The following MARS1 variants were observed in gnomAD, a reference collection of about 807,000 sequenced individuals.
MARS1 encodes methionine--tRNA ligase, cytoplasmic.
MARS1 carries 80 observed loss-of-function variants against 119.5 expected under a neutral mutation model. That is an observed-to-expected ratio of 0.67 (90% CI 0.56 to 0.81). The LOEUF is 0.81. Ranked by LOEUF, MARS1 falls within the 30% of genes least tolerant of loss-of-function variation. The probability of loss-of-function intolerance (pLI) is 0.00; values close to 1 mark genes in which losing one functional copy is unlikely to be tolerated. For synonymous variants in MARS1, 418 were observed against 433.4 expected, an observed-to-expected ratio of 0.96 and a Z score of 0.44; for missense variants, 945 against 1,116.5, an observed-to-expected ratio of 0.85 and a Z score of 2.19.
Position 57,488,105 on chromosome 12 carries a change from G to A in MARS1, c.15G>A (p.Val5=), listed in dbSNP as rs763029980. The A allele has an allele frequency of 5.6e-6, 9 of 1,614,182 alleles. No homozygotes were observed. The East Asian group carries it at 1.8e-4, about 32-fold the overall frequency. MRLF[V]SDGVPGCLPV... Reference sequence around the variant, plus strand: ...TTCACGGCGAAATGAGACTGTTCGTGAGTGATGGCGTCCCGGGTTGCTTGC... The same window carrying A: ...TTCACGGCGAAATGAGACTGTTCGTAAGTGATGGCGTCCCGGGTTGCTTGC... The change falls in exon 1 of 21, where the codon GTG becomes GTA. Residue 5 remains valine (V), a synonymous_variant. Transcript: ENST00000262027.
rs1876765150 is a variant in MARS1 at position 57,498,706 on chromosome 12, C to T, written c.1091+83C>T. The T allele has an allele frequency of 2.2e-6, 3 of 1,357,570 alleles. No homozygotes were observed. The African/African-American group carries it at 4.3e-5, about 19-fold the overall frequency. The allele number at this position is 1,357,570 out of a possible 1,614,324, so 84.1% of individuals were successfully genotyped here. ...GGAGTATCTTGGAGACAGAAGGAACCCGGGTGGCTGTCTGGGCACTCCTAA... is the reference window on the plus strand; with the variant it reads ...GGAGTATCTTGGAGACAGAAGGAACTCGGGTGGCTGTCTGGGCACTCCTAA... On this transcript the variant is annotated intron_variant, in intron 9 of 20. Coordinates refer to ENST00000262027, the MANE Select transcript of MARS1 (RefSeq NM_004990.4).
intron 7 of MARS1, among the ~76,000 whole-genome samples, chr12:57,493,668 T>TAA (rs1876284042): frequency 6.1e-5 from 1 of 16,526 alleles, no homozygotes; most frequent in Non-Finnish European, 8.5e-5. Flanking sequence ...ATATTATATA[T>TAA]TATATATATT....
chr12:57,500,472 G>T lies in MARS1; in HGVS notation c.1243G>T (p.Gly415Cys). The T allele has an allele frequency of 6.2e-7, 1 of 1,614,184 alleles. No individual in the cohort carries two copies. The highest frequency in any genetic ancestry group is 1.7e-5 in the Admixed American group (1 of 60,024). Residue 415 changes from glycine to cysteine, a missense_variant, in exon 10 of 21, where the codon GGT (glycine) becomes TGT (cysteine). Gly to Cys is a radical substitution (Grantham distance 159). Coordinates refer to ENST00000262027, the MANE Select transcript of MARS1 (RefSeq NM_004990.4). ...CPFCGYEEAR[G>C]DQCDKCGKLI... Reference sequence around the variant, plus strand: ...CTTCTGTGGCTATGAGGAGGCTCGGGGTGACCAGTGTGACAAGTGTGGCAA... The same window carrying T: ...CTTCTGTGGCTATGAGGAGGCTCGGTGTGACCAGTGTGACAAGTGTGGCAA...
At chr12:57,498,332 G>A in intron 8 of MARS1, 59 bp downstream of exon 8, 1 of 1,598,222 alleles carries the variant, frequency 6.3e-7, no homozygotes, top group Non-Finnish European at 8.6e-7. Context: ...CAGGGGAATA[G>A]GATGCTTCAA....
intron 7 of MARS1, among the ~76,000 whole-genome samples, chr12:57,491,138 G>T (rs370383827): frequency 3.8e-4 from 58 of 151,860 alleles, no homozygotes; most frequent in African/African-American, 1.4e-3. Context: ...CTCCCAAAGT[G>T]CTGGGATTAC....
chr12:57,492,355 G>A (rs1391827976), intron 7 of MARS1, among the ~76,000 whole-genome samples: 2 of 150,376 alleles, frequency 1.3e-5, no homozygotes, highest in East Asian at 4.0e-4. Flanking sequence ...CTAATTTAGA[G>A]GCCTCTCTAA....
chr12:57,512,640 C>T lies in MARS1; in HGVS notation c.1754-111C>T, dbSNP rs1160486160. On this transcript the variant is annotated intron_variant, in intron 14 of 20. Transcript: ENST00000262027. ...ACCAGCCCCTTAAGGAGAAATGTTG[C>T]TAGACACCCATAGTTGAGGTTAGAA... 3.4e-6 allele frequency: 3 copies of T among 889,908 alleles called. No homozygotes were observed. In the South Asian group the frequency reaches 4.7e-5, roughly 14 times the overall value. The allele number at this position is 889,908 out of a possible 1,614,324, so 55.1% of individuals were successfully genotyped here. A position where few individuals can be genotyped will look rare whatever the true frequency, so the allele number is the denominator to read the frequency against.
Position 57,512,280 on chromosome 12 carries a change from TA to T in MARS1, c.1681del (p.Ser561AlafsTer2). The T allele has an allele frequency of 6.2e-7, 1 of 1,614,168 alleles. No homozygotes were observed. Among genetic ancestry groups the T allele is most frequent in the South Asian group, 1.1e-5 (1 of 91,086 alleles). ...TGGCCAAAGACAATGTTCCTTTCCATAGCTTAGTCTTTCCTTGCTCAGCCCT... is the reference window on the plus strand; with the variant it reads ...TGGCCAAAGACAATGTTCCTTTCCATGCTTAGTCTTTCCTTGCTCAGCCCT... The part of the protein sequence containing the change: ...FMAKDNVPFH[S>X]LVFPCSALGA... On this transcript the variant is annotated frameshift_variant, in exon 14 of 21. Transcript: ENST00000262027. LOFTEE classifies it high-confidence loss of function.
At chr12:57,515,709 A>G (rs1877771017) in intron 18 of MARS1, among the ~76,000 whole-genome samples, 1 of 152,242 alleles carries the variant, frequency 6.6e-6, no homozygotes, top group African/African-American at 2.4e-5. Context: ...TAGCATCCTT[A>G]GAGAGCTTAA....
chr12:57,490,551 C>G lies in MARS1; in HGVS notation c.677C>G (p.Ala226Gly). The G allele has an allele frequency of 6.2e-7, 1 of 1,614,124 alleles. No individual in the cohort carries two copies. The highest frequency in any genetic ancestry group is 8.5e-7 in the Non-Finnish European group (1 of 1,180,002). Residue 226 changes from alanine to glycine, a missense_variant, in exon 7 of 21, where the codon GCT (alanine) becomes GGT (glycine). Ala to Gly is a moderately conservative substitution (Grantham distance 60). Transcript: ENST00000262027. ...VTNEPEEEEL[A>G]TLSEEEIAMA... ...CACTCTTTATAGGAGGAGGAGCTGG[C>G]TACCCTATCTGAGGAGGAGATTGCT... is the stretch of plus-strand genomic sequence containing the variant.
At chr12:57,493,903 A>G (rs1438328386) in intron 7 of MARS1, among the ~76,000 whole-genome samples, 3 of 59,890 alleles carry the variant, frequency 5.0e-5, no homozygotes, top group African/African-American at 2.3e-4. Context: ...TTTATGTTAT[A>G]TAATATATAT....
chr12:57,507,945 G>T (rs1487487966), intron 11 of MARS1, among the ~76,000 whole-genome samples: 1 of 151,816 alleles, frequency 6.6e-6, no homozygotes, highest in African/African-American at 2.4e-5. Context: ...CTTCTCAGAT[G>T]GGGCGGCTGC....
chr12:57,503,402 T>A (rs1877024565), intron 10 of MARS1, among the ~76,000 whole-genome samples: 1 of 152,040 alleles, frequency 6.6e-6, no homozygotes, highest in South Asian at 2.1e-4. Context: ...CCCGGCTAAT[T>A]TTGTATTTTT....
chr12:57,501,220 G>A (rs1454620059), intron 10 of MARS1, among the ~76,000 whole-genome samples: 1 of 152,274 alleles, frequency 6.6e-6, no homozygotes, highest in Non-Finnish European at 1.5e-5. Flanking sequence ...GGCAAGGCCA[G>A]TATAGCACTA....
chr12:57,496,727 G>T (rs748678994), intron 7 of MARS1, among the ~76,000 whole-genome samples: 1 of 151,460 alleles, frequency 6.6e-6, no homozygotes, highest in Non-Finnish European at 1.5e-5. Flanking sequence ...ACAGTGTGCT[G>T]TGTTGTGCCA....
intron 2 of MARS1, 29 bp downstream of exon 2, chr12:57,489,138 T>C (rs1466154319): frequency 1.2e-6 from 2 of 1,608,498 alleles, no homozygotes; most frequent in Non-Finnish European, 8.5e-7. Flanking sequence ...TGTAGGGAGG[T>C]GGCTGAATCA....
At chr12:57,488,712 T>C in intron 1 of MARS1, 5 of 1,460,710 alleles carry the variant, frequency 3.4e-6, no homozygotes, top group Non-Finnish European at 4.7e-6. Flanking sequence ...GACCTTCAGA[T>C]AATTATGAAG....
intron 15 of MARS1, among the ~76,000 whole-genome samples, chr12:57,513,598 GA>G (rs1325873114): frequency 7.0e-6 from 1 of 141,974 alleles, no homozygotes; most frequent in Non-Finnish European, 1.5e-5. Flanking sequence ...CTTGGCAAAA[GA>G]GGGAGATCCT....
Position 57,512,837 on chromosome 12 carries a change from G to C in MARS1, c.1840G>C (p.Ala614Pro). The stretch of plus-strand genomic sequence containing the variant: ...CATGGCCCAGGACACGGGGATCCCT[G>C]CTGACATCTGGCGCTTCTATCTGCT... ...GDMAQDTGIPADIWRFYLLYI... is the reference protein window; with the variant it reads ...GDMAQDTGIPPDIWRFYLLYI... The change falls in exon 15 of 21, where the codon GCT (alanine) becomes CCT (proline). Residue 614 changes from alanine (A) to proline (P), a missense_variant. Ala to Pro is a conservative substitution (Grantham distance 27, BLOSUM62 -1). Coordinates refer to ENST00000262027, the MANE Select transcript of MARS1 (RefSeq NM_004990.4). The C allele has an allele frequency of 6.2e-7, 1 of 1,614,264 alleles. No homozygotes were observed. The highest frequency in any genetic ancestry group is 1.6e-4 in the Middle Eastern group (1 of 6,062).
Sources: allele counts gnomAD v4.1 joint callset (sites outside exome capture counted in the v4.1 genomes callset), GRCh38; gene constraint gnomAD v4.1.1; transcripts MANE v1.5; gene names NCBI Gene and HGNC (gene_info 2026-07-23, HGNC 2026-07-21).